Variants in TAF8 observed in about 807,000 individuals in gnomAD.
TAF8 encodes TATA-box binding protein associated factor 8.
A neutral mutation model predicts 36.5 loss-of-function variants in TAF8; 47 were observed. The ratio of observed to expected loss-of-function variants is 1.29; its 90% CI spans 1.02 to 1.64. The LOEUF (loss-of-function observed/expected upper bound fraction) is 1.64, where lower values mean the gene tolerates loss of function less well. TAF8 is among the 40% of genes most tolerant of loss of function. The pLI, the probability that TAF8 is intolerant of heterozygous loss-of-function variation, is 0.00. For missense variants in TAF8, 420 were observed against 407.6 expected (o/e 1.03, Z -0.26); for synonymous variants, 175 against 159.5 (o/e 1.10, Z -0.73).
At chr6:42,074,351 G>A (rs1459062473) in intron 7 of TAF8, among the ~76,000 whole-genome samples, 1 of 152,176 alleles carries the variant, frequency 6.6e-6, no homozygotes, top group Non-Finnish European at 1.5e-5. Context: ...AGTCGGGAGA[G>A]GTTAGGGCTG....
At chr6:42,075,667 C>T (rs570147276) in intron 7 of TAF8, among the ~76,000 whole-genome samples, 12 of 152,018 alleles carry the variant, frequency 7.9e-5, no homozygotes, top group South Asian at 2.1e-4. Context: ...ACTTCTTCCC[C>T]GTGGAAGAAC....
chr6:42,066,486 C>G (rs1290563830), intron 6 of TAF8, 27 bp downstream of exon 6: 1 of 1,612,502 alleles, frequency 6.2e-7, no homozygotes, highest in East Asian at 2.2e-5. Flanking sequence ...TGTGTGGACC[C>G]TGTCTTATTT....
At chr6:42,069,594 C>T (rs1044366014) in intron 7 of TAF8, among the ~76,000 whole-genome samples, 1 of 152,114 alleles carries the variant, frequency 6.6e-6, no homozygotes, top group Non-Finnish European at 1.5e-5. Context: ...TGGGGGAAGT[C>T]AGGAGTTGAT....
At chr6:42,064,575 C>T (rs935394595) in intron 5 of TAF8, among the ~76,000 whole-genome samples, 1 of 151,728 alleles carries the variant, frequency 6.6e-6, no homozygotes, top group African/African-American at 2.4e-5. Flanking sequence ...ATTTTTAACA[C>T]GTCAGAAAAT....
intron 5 of TAF8, among the ~76,000 whole-genome samples, chr6:42,061,695 A>G (rs371054316): frequency 1.2e-4 from 19 of 152,352 alleles, no homozygotes; most frequent in African/African-American, 4.6e-4. Context: ...TTATACAAAT[A>G]TAGACCAAAG....
chr6:42,071,311 CTTTTTTT>C (rs70987566), intron 7 of TAF8: 54 of 121,692 alleles, frequency 4.4e-4, no homozygotes, highest in South Asian at 5.6e-4. Context: ...CCTGGACATA[CTTTTTTT>C]TTTTTTTTTT....
chr6:42,069,834 G>A lies in TAF8; in HGVS notation c.780+1227G>A, dbSNP rs148500115. Among the ~76,000 whole-genome samples the A allele has an allele frequency of 7.2e-5, 11 of 152,284 alleles. No homozygotes were observed. The East Asian group carries it at 2.1e-3, about 29-fold the overall frequency. ...AGGAGGCACATTGAGTCCTGGAGCT[G>A]TTGCTGTGTGTAGAGCTTGAAGAGA... On this transcript the variant is annotated intron_variant, in intron 7 of 8. Transcript: ENST00000372977.
At chr6:42,067,287 C>T (rs1582233128) in intron 6 of TAF8, among the ~76,000 whole-genome samples, 1 of 152,234 alleles carries the variant, frequency 6.6e-6, no homozygotes, top group East Asian at 1.9e-4. Flanking sequence ...GGCGCAATCT[C>T]TGCTCACTGC....
At chr6:42,054,876 A>T (rs552155878) in intron 2 of TAF8, among the ~76,000 whole-genome samples, 1 of 148,398 alleles carries the variant, frequency 6.7e-6, no homozygotes. Flanking sequence ...AAGTGCTAGG[A>T]TTACAGGCGT....
Position 42,078,001 on chromosome 6 carries a change from C to T in TAF8, c.*456C>T, listed in dbSNP as rs1388196319. On this transcript the variant is annotated 3_prime_UTR_variant, in exon 9 of 9. Transcript: ENST00000372977. ...GAACTCCTGACCTCAAGTGATCCAC[C>T]CGCATTGGCCTCCCAAAGAGTTGCG... 5.3e-6 allele frequency: 1 copy of T among 188,942 alleles called. No homozygotes were observed. The highest frequency in any genetic ancestry group is 6.1e-5 in the Admixed American group (1 of 16,360). 11.7% of individuals were successfully genotyped at this position (188,942 alleles called of 1,614,324 possible).
intron 7 of TAF8, among the ~76,000 whole-genome samples, chr6:42,072,227 A>T (rs775168762): frequency 8.5e-5 from 13 of 152,208 alleles, no homozygotes; most frequent in Non-Finnish European, 1.9e-4. Flanking sequence ...AGGCTATCTA[A>T]CCATATGCCC....
At chr6:42,062,529 C>CTTTTTTTTTT (rs1174119617) in intron 5 of TAF8, among the ~76,000 whole-genome samples, 1 of 78,726 alleles carries the variant, frequency 1.3e-5, no homozygotes, top group African/African-American at 5.3e-5. Context: ...TTAAGACAAT[C>CTTTTTTTTTT]TTTTTTTTTT....
rs927132196 is a variant in TAF8 at position 42,081,072 on chromosome 6, T to C, written c.*3527T>C. On this transcript the variant is annotated 3_prime_UTR_variant, in exon 9 of 9. Coordinates refer to ENST00000372977, the MANE Select transcript of TAF8 (RefSeq NM_138572.3). The stretch of plus-strand genomic sequence containing the variant: ...TTAGAGAGCAAAATATATGAACCCC[T>C]GTATATGCCTCATCAAGCTTCCACA... 3 of 508,840 alleles carry C rather than the reference T, an allele frequency of 5.9e-6. No homozygotes were observed. In the African/African-American group the frequency reaches 6.3e-5, roughly 11 times the overall value. 31.5% of individuals were successfully genotyped at this position (508,840 alleles called of 1,614,324 possible).
intron 7 of TAF8, among the ~76,000 whole-genome samples, chr6:42,075,447 A>G (rs1765711434): frequency 6.6e-6 from 1 of 152,224 alleles, no homozygotes; most frequent in African/African-American, 2.4e-5. Flanking sequence ...GAGGGCACGC[A>G]GGGGAACCTA....
In TAF8 at chr6:42,064,976, AAATG is replaced by A. The variant is rs1384472540; in HGVS notation, c.490-1335_490-1332del. Among the ~76,000 whole-genome samples, 3 of 150,560 alleles carry A rather than the reference AAATG, an allele frequency of 2.0e-5. No homozygotes were observed. In the East Asian group the frequency reaches 5.9e-4, roughly 30 times the overall value. Reference sequence around the variant, plus strand: ...TGTCTCAAAAAAAAAAAAAAAAAAAAAATGGTATCTCAGTATCATGAAGAGTAGT... The same window carrying A: ...TGTCTCAAAAAAAAAAAAAAAAAAAAGTATCTCAGTATCATGAAGAGTAGT... On this transcript the variant is annotated intron_variant, in intron 5 of 8. Transcript: ENST00000372977.
At chr6:42,053,759 T>G (rs1193089854) in intron 2 of TAF8, among the ~76,000 whole-genome samples, 1 of 152,146 alleles carries the variant, frequency 6.6e-6, no homozygotes, top group African/African-American at 2.4e-5. Flanking sequence ...CCTGTGGACT[T>G]TAGAAAAGAT....
intron 5 of TAF8, 32 bp from the exon 6 acceptor site, chr6:42,066,280 T>C: frequency 6.2e-7 from 1 of 1,610,468 alleles, no homozygotes; most frequent in South Asian, 1.1e-5. Flanking sequence ...TACTTCGGCA[T>C]CACCCCAGTG....
chr6:42,070,485 C>G (rs1230374310), intron 7 of TAF8, among the ~76,000 whole-genome samples: 4 of 152,212 alleles, frequency 2.6e-5, no homozygotes, highest in African/African-American at 7.2e-5. Flanking sequence ...CAGCAAGACT[C>G]TGTCTCAAAA....
chr6:42,058,259 C>A (rs1428774905), intron 5 of TAF8, among the ~76,000 whole-genome samples: 2 of 152,160 alleles, frequency 1.3e-5, no homozygotes, highest in Admixed American at 1.3e-4. Flanking sequence ...TGGCACATAC[C>A]TGTAGTTCCA....
Sources: allele counts gnomAD v4.1 joint callset (sites outside exome capture counted in the v4.1 genomes callset), GRCh38; gene constraint gnomAD v4.1.1; transcripts MANE v1.5; gene names NCBI Gene and HGNC (gene_info 2026-07-23, HGNC 2026-07-21).